The following KIFC3 variants were observed in gnomAD, a reference collection of about 807,000 sequenced individuals.
KIFC3 encodes the protein kinesin family member C3, also known as kinesin-like protein KIFC3.
KIFC3 carries 60 observed loss-of-function variants against 101.8 expected under a neutral mutation model. The ratio of observed to expected loss-of-function variants is 0.59; its 90% CI spans 0.48 to 0.73. KIFC3 has a LOEUF of 0.73. KIFC3 is among the 30% of genes least tolerant of loss of function. KIFC3 has a pLI of 0.00. For synonymous variants in KIFC3, 476 were observed against 482.7 expected, an observed-to-expected ratio of 0.99 and a Z score of 0.18; for missense variants, 966 against 1,137.1, an observed-to-expected ratio of 0.85 and a Z score of 2.16.
intron 1 of KIFC3, among the ~76,000 whole-genome samples, chr16:57,843,526 T>C (rs536582007): frequency 2.0e-5 from 3 of 152,182 alleles, no homozygotes; most frequent in East Asian, 1.9e-4. Context: ...TAGACACTCA[T>C]CATTAGAAAA....
rs556334243 is a variant in KIFC3, at chr16:57,770,743, C to T, written c.766-43G>A. 14 of 1,377,850 alleles carry T rather than the reference C, an allele frequency of 1.0e-5. No homozygotes were observed. In the African/African-American group the frequency reaches 1.8e-4, roughly 17 times the overall value. The allele number at this position is 1,377,850 out of a possible 1,614,324, so 85.4% of individuals were successfully genotyped here. On this transcript the variant is annotated intron_variant, in intron 6 of 19. Transcript: ENST00000445690. ...AATGGCACGTGGAGCCAGCGGGCACCGTACCTCACCCAAGAGCCTGAGACG... is the reference window on the plus strand; with the variant it reads ...AATGGCACGTGGAGCCAGCGGGCACTGTACCTCACCCAAGAGCCTGAGACG...
chr16:57,854,616 A>G (rs1199970992), intron 1 of KIFC3, among the ~76,000 whole-genome samples: 1 of 145,638 alleles, frequency 6.9e-6, no homozygotes, highest in Admixed American at 7.1e-5. Context: ...TGACAGAGCA[A>G]GACTCCGTCT....
In KIFC3 at chr16:57,764,129, T is replaced by G. The variant is rs782752758; in HGVS notation, c.1617+14A>C. ...GCTTCACTGTGAACCCCCACCCCAT[T>G]GGGCAGCACCCACCTCCATCGTGTA... On this transcript the variant is annotated intron_variant, in intron 12 of 19. Coordinates refer to ENST00000445690, the MANE Select transcript of KIFC3 (RefSeq NM_001130100.2). 6.3e-7 allele frequency: 1 copy of G among 1,595,570 alleles called. No homozygotes were observed. The highest frequency in any genetic ancestry group is 8.6e-7 in the Non-Finnish European group (1 of 1,165,544).
At chr16:57,810,532 T>A (rs1424901048) in intron 1 of KIFC3, 1 of 357,278 alleles carries the variant, frequency 2.8e-6, no homozygotes, top group Non-Finnish European at 3.9e-6. Flanking sequence ...AGCTTCCAGG[T>A]GACCGAGAGG....
At chr16:57,774,539 T>A (rs1290920449) in intron 3 of KIFC3, among the ~76,000 whole-genome samples, 1 of 151,950 alleles carries the variant, frequency 6.6e-6, no homozygotes. Context: ...TTTTTTCTTT[T>A]TGAGACAGGG....
chr16:57,782,029 T>C (rs2052795185), intron 3 of KIFC3: 1 of 985,440 alleles, frequency 1.0e-6, no homozygotes, highest in Admixed American at 6.1e-5. Context: ...AGGCAGAGTG[T>C]ACCCCCTGGC....
At chr16:57,788,181 G>A (rs1392540582) in intron 3 of KIFC3, among the ~76,000 whole-genome samples, 22 of 152,218 alleles carry the variant, frequency 1.4e-4, no homozygotes, top group Admixed American at 1.3e-3. Flanking sequence ...GACCCTGGGG[G>A]CCCACGGATA....
intron 1 of KIFC3, among the ~76,000 whole-genome samples, chr16:57,823,118 C>G (rs2911349): frequency 0.29 from 43,747 of 152,038 alleles, 6,639 homozygotes; most frequent in African/African-American, 0.32. Context: ...AACATCAACA[C>G]AGACCTTAAG....
At chr16:57,817,640 G>T (rs1182682285) in intron 1 of KIFC3, among the ~76,000 whole-genome samples, 1 of 152,098 alleles carries the variant, frequency 6.6e-6, no homozygotes, top group African/African-American at 2.4e-5. Context: ...TTCTTAGGAG[G>T]ACACCAGTCA....
At chr16:57,774,394 C>T (rs2051730824) in intron 3 of KIFC3, 1 of 152,272 alleles carries the variant, frequency 6.6e-6, no homozygotes. Flanking sequence ...TTTTAAATGT[C>T]ATGGGGAAAG....
At chr16:57,806,468 G>T (rs1047441876), upstream of KIFC3, among the ~76,000 whole-genome samples, 1 of 152,078 alleles carries the variant, frequency 6.6e-6, no homozygotes, top group Non-Finnish European at 1.5e-5. Flanking sequence ...TCATGATGGC[G>T]TTCCTGTGTA....
chr16:57,788,767 C>T, intron 3 of KIFC3: 1 of 1,279,416 alleles, frequency 7.8e-7, no homozygotes, highest in South Asian at 1.2e-5. Flanking sequence ...CAGGGAAGGA[C>T]CCTCGAGCCA....
intron 1 of KIFC3, among the ~76,000 whole-genome samples, chr16:57,835,105 T>G (rs984943181): frequency 1.3e-5 from 2 of 152,166 alleles, no homozygotes; most frequent in East Asian, 3.9e-4. Flanking sequence ...CGGAGGCGGG[T>G]TCTCTCTTTT....
At chr16:57,773,477 AC>A (rs2051571077) in intron 3 of KIFC3, among the ~76,000 whole-genome samples, 1 of 152,106 alleles carries the variant, frequency 6.6e-6, no homozygotes, top group Non-Finnish European at 1.5e-5. Flanking sequence ...ACACAGCAAG[AC>A]CCCATCTCTA....
At chr16:57,847,842 G>A (rs551310445) in intron 1 of KIFC3, among the ~76,000 whole-genome samples, 2 of 151,272 alleles carry the variant, frequency 1.3e-5, no homozygotes, top group Admixed American at 6.6e-5. Flanking sequence ...CTGGAATGCA[G>A]TGGCACAATC....
chr16:57,843,240 A>G (rs16959407), intron 1 of KIFC3, among the ~76,000 whole-genome samples: 8,322 of 152,270 alleles, frequency 0.055, 285 homozygotes, highest in African/African-American at 0.093. Flanking sequence ...TCAGGGCAAA[A>G]TATTTCAGAC....
intron 1 of KIFC3, among the ~76,000 whole-genome samples, chr16:57,823,792 TGTGTGTGTGTG>T (rs2055403735): frequency 6.6e-6 from 1 of 151,526 alleles, no homozygotes; most frequent in Non-Finnish European, 1.5e-5. Context: ...TGTGTGTGTG[TGTGTGTGTGTG>T]TTTTTAGTAG....
At chr16:57,842,235 G>A (rs923211594) in intron 1 of KIFC3, among the ~76,000 whole-genome samples, 6 of 152,118 alleles carry the variant, frequency 3.9e-5, no homozygotes, top group Non-Finnish European at 8.8e-5. Context: ...ATGCTTCTTA[G>A]CGCTGTCTGA....
intron 1 of KIFC3, among the ~76,000 whole-genome samples, chr16:57,845,733 T>C (rs2055905023): frequency 6.6e-6 from 1 of 152,142 alleles, no homozygotes; most frequent in Admixed American, 6.6e-5. Flanking sequence ...TACTCTGCTG[T>C]TGGATTGGTT....
Sources: gnomAD v4.1 joint callset for allele counts (sites outside exome capture counted in the v4.1 genomes callset) on GRCh38, gnomAD v4.1.1 for gene constraint, MANE v1.5 for transcripts, NCBI Gene and HGNC (gene_info 2026-07-23, HGNC 2026-07-21) for gene names.